The following TRABD2B variants were observed in gnomAD, a reference collection of about 807,000 sequenced individuals.
The protein encoded by TRABD2B is metalloprotease TIKI2.
A neutral mutation model predicts 40.1 loss-of-function variants in TRABD2B; 14 were observed. The observed-to-expected ratio is 0.35, with a 90% confidence interval of 0.23 to 0.55. The LOEUF (loss-of-function observed/expected upper bound fraction) is 0.55, where lower values mean the gene tolerates loss of function less well. Ranked by LOEUF, TRABD2B falls within the 20% of genes least tolerant of loss-of-function variation. The pLI is 0.90. For missense variants in TRABD2B, 541 were observed against 648.6 expected (o/e 0.83, Z 1.80); for synonymous variants, 263 against 277.0 (o/e 0.95, Z 0.50).
At chr1:47,946,260 A>G (rs953549324) in intron 2 of TRABD2B, among the ~76,000 whole-genome samples, 3 of 152,168 alleles carry the variant, frequency 2.0e-5, no homozygotes, top group Admixed American at 6.5e-5. Flanking sequence ...TTTAGTTTTG[A>G]GCATTCTTTA....
Position 47,810,375 on chromosome 1 carries a change from G to A in TRABD2B, c.667-8756C>T, listed in dbSNP as rs566925025. On this transcript the variant is annotated intron_variant, in intron 2 of 6. Coordinates refer to ENST00000606738, the MANE Select transcript of TRABD2B (RefSeq NM_001194986.2). ...TCGTGCCATCACCCCCTGCCCCCCC[G>A]CCACCCATTTTAGATAAGATGTCCA... is the stretch of plus-strand genomic sequence containing the variant. Among the ~76,000 whole-genome samples the A allele has an allele frequency of 4.0e-5, 6 of 151,792 alleles. 1 individual carries two copies. The South Asian group carries it at 1.3e-3, about 32-fold the overall frequency.
chr1:47,962,225 A>AG (rs1645530343), intron 2 of TRABD2B, among the ~76,000 whole-genome samples: 1 of 140,774 alleles, frequency 7.1e-6, no homozygotes, highest in Non-Finnish European at 1.6e-5. Flanking sequence ...GGGTGGGGGG[A>AG]TGGGGGAGGG....
At chr1:47,955,552 A>T (rs561247871) in intron 2 of TRABD2B, among the ~76,000 whole-genome samples, 1 of 152,246 alleles carries the variant, frequency 6.6e-6, no homozygotes, top group Non-Finnish European at 1.5e-5. Context: ...CCATCACTTC[A>T]TTCCAAACAC....
chr1:47,928,523 C>T (rs1349472161), intron 2 of TRABD2B, among the ~76,000 whole-genome samples: 2 of 152,238 alleles, frequency 1.3e-5, no homozygotes, highest in Non-Finnish European at 2.9e-5. Flanking sequence ...GCCCAAGAAT[C>T]TGTGAAAAGA....
intron 2 of TRABD2B, among the ~76,000 whole-genome samples, chr1:47,894,539 G>T (rs1644491686): frequency 6.6e-6 from 1 of 152,182 alleles, no homozygotes; most frequent in Non-Finnish European, 1.5e-5. Context: ...ACAGCAGAGT[G>T]AGAAGATGGA....
chr1:47,841,552 T>C (rs972137216), intron 2 of TRABD2B, among the ~76,000 whole-genome samples: 4 of 152,092 alleles, frequency 2.6e-5, no homozygotes, highest in African/African-American at 7.2e-5. Context: ...GGAAGAGGCA[T>C]GGATGGGGAG....
chr1:47,901,168 C>G (rs1236008643), intron 2 of TRABD2B, among the ~76,000 whole-genome samples: 1 of 152,168 alleles, frequency 6.6e-6, no homozygotes, highest in African/African-American at 2.4e-5. Context: ...CCCCTGCCGC[C>G]CTGCAAAAGG....
At position 47,948,884 on chromosome 1, in the gene TRABD2B, G is replaced by A. The variant is rs577604598; in HGVS notation, c.666+45150C>T. 7.2e-5 allele frequency among the ~76,000 whole-genome samples: 11 copies of A among 152,068 alleles called. No homozygotes were observed. The South Asian group carries it at 2.1e-3, about 29-fold the overall frequency. On this transcript the variant is annotated intron_variant, in intron 2 of 6. Coordinates refer to ENST00000606738, the MANE Select transcript of TRABD2B (RefSeq NM_001194986.2). ...CCTCATCACCCCTCTCTCACTTTTA[G>A]TCTCCATCTTTCTGTCCCTACATTT...
rs531907939 is a variant in TRABD2B, at chr1:47,925,896, T to C, written c.666+68138A>G. Among the ~76,000 whole-genome samples the C allele has an allele frequency of 2.0e-5, 3 of 152,366 alleles. No homozygotes were observed. The South Asian group carries it at 6.2e-4, about 32-fold the overall frequency. ...AGGGATTAAAGAAGAGGCTGGTATA[T>C]ATCTTCCTTTATTTATATCTTTATT... On this transcript the variant is annotated intron_variant, in intron 2 of 6. Transcript: ENST00000606738.
At chr1:47,941,075 C>T (rs569718559) in intron 2 of TRABD2B, among the ~76,000 whole-genome samples, 1 of 152,228 alleles carries the variant, frequency 6.6e-6, no homozygotes, top group African/African-American at 2.4e-5. Context: ...CAGACTTACC[C>T]CTCCTCCTTT....
intron 2 of TRABD2B, among the ~76,000 whole-genome samples, chr1:47,982,100 TG>T (rs1363536177): frequency 6.6e-6 from 1 of 152,084 alleles, no homozygotes; most frequent in African/African-American, 2.4e-5. Context: ...ACACTGCAGA[TG>T]GTCAGAAAAA....
intron 2 of TRABD2B, chr1:47,819,581 C>A (rs1645079195): frequency 1.3e-5 from 2 of 152,278 alleles, no homozygotes; most frequent in South Asian, 4.1e-4. Context: ...CTGGTGTGGA[C>A]ACGGCAATGA....
At chr1:47,822,846 G>A (rs1645128597) in intron 2 of TRABD2B, among the ~76,000 whole-genome samples, 2 of 152,192 alleles carry the variant, frequency 1.3e-5, no homozygotes, top group Admixed American at 1.3e-4. Context: ...GTAAGCACTA[G>A]CAACTCCTGA....
At chr1:47,961,056 C>T (rs550561059) in intron 2 of TRABD2B, among the ~76,000 whole-genome samples, 9 of 152,170 alleles carry the variant, frequency 5.9e-5, no homozygotes, top group Admixed American at 1.3e-4. Context: ...GAAATAATGC[C>T]GCATATCTAC....
intron 2 of TRABD2B, among the ~76,000 whole-genome samples, chr1:47,940,686 T>C (rs1307431104): frequency 6.6e-6 from 1 of 152,216 alleles, no homozygotes; most frequent in East Asian, 1.9e-4. Flanking sequence ...CCAGGGGGGC[T>C]TGCTGGACAG....
At position 47,994,515 on chromosome 1, in the gene TRABD2B, G is replaced by A; in HGVS notation, c.185C>T (p.Thr62Ile). Residue 62 changes from threonine to isoleucine, a missense_variant, in exon 2 of 7, where the codon ACC (threonine) becomes ATC (isoleucine). Thr to Ile is a moderately conservative substitution (Grantham distance 89). Transcript: ENST00000606738. The surrounding 1 kb of genome is among the most constrained non-coding windows in gnomAD (Gnocchi z 6.7). ...GTCCGGGATGAAGTCCCAGACGCGG[G>A]TGTAGGGGACGTGAATAGTGCCAAA... ...YLFGTIHVPYTRVWDFIPDNS... is the reference protein window; with the variant it reads ...YLFGTIHVPYIRVWDFIPDNS... The A allele has an allele frequency of 6.5e-7, 1 of 1,536,178 alleles. No individual in the cohort carries two copies. Among genetic ancestry groups the A allele is most frequent in the Non-Finnish European group, 8.7e-7 (1 of 1,146,924 alleles).
In TRABD2B at chr1:47,996,206, T is replaced by C. The variant is rs1179528440; in HGVS notation, c.102+482A>G. Among the ~76,000 whole-genome samples the C allele has an allele frequency of 6.6e-6, 1 of 151,382 alleles. No homozygotes were observed. The highest frequency in any genetic ancestry group is 2.4e-5 in the African/African-American group (1 of 41,144). ...GTGAGAACGAGGAACAGGGAGAAAG[T>C]TTGTCTTAGGTCAGAGTGGGAGGGC... On this transcript the variant is annotated intron_variant, in intron 1 of 6. Transcript: ENST00000606738. This position sits in a 1 kb window ranked among gnomAD's most constrained non-coding sequence, Gnocchi z 4.6.
intron 2 of TRABD2B, among the ~76,000 whole-genome samples, chr1:47,825,240 G>T (rs1645159697): frequency 1.3e-5 from 2 of 152,194 alleles, no homozygotes; most frequent in African/African-American, 4.8e-5. Context: ...CTCAGAGAAA[G>T]AAAGTCAAAG....
At chr1:47,889,154 C>T (rs977956475) in intron 2 of TRABD2B, among the ~76,000 whole-genome samples, 2 of 152,200 alleles carry the variant, frequency 1.3e-5, no homozygotes, top group African/African-American at 2.4e-5. Flanking sequence ...CAATGAACAG[C>T]TACCAGATGA....
Sources: allele counts gnomAD v4.1 joint callset (sites outside exome capture counted in the v4.1 genomes callset), GRCh38; gene constraint gnomAD v4.1.1; non-coding constraint Gnocchi (gnomAD v3.1); transcripts MANE v1.5; gene names NCBI Gene and HGNC (gene_info 2026-07-23, HGNC 2026-07-21).